Variants in SMAP2 observed in about 807,000 individuals in gnomAD.
SMAP2 encodes the protein stromal membrane-associated protein 2.
A neutral mutation model predicts 56.4 loss-of-function variants in SMAP2; 25 were observed. The ratio of observed to expected loss-of-function variants is 0.44; its 90% CI spans 0.32 to 0.62. The LOEUF (loss-of-function observed/expected upper bound fraction) is 0.62, where lower values mean the gene tolerates loss of function less well. Ranked by LOEUF, SMAP2 falls within the 20% of genes least tolerant of loss-of-function variation. SMAP2 has a pLI of 0.04. For missense variants in SMAP2, 388 were observed against 545.6 expected, an observed-to-expected ratio of 0.71 and a Z score of 2.88; for synonymous variants, 157 against 181.7, an observed-to-expected ratio of 0.86 and a Z score of 1.09.
At chr1:40,376,634 T>C (rs1644543736) in intron 1 of SMAP2, among the ~76,000 whole-genome samples, 2 of 152,210 alleles carry the variant, frequency 1.3e-5, no homozygotes, top group South Asian at 2.1e-4. Context: ...AACTATCAGA[T>C]TGTTGAAGGA....
At chr1:40,351,254 CTG>C (rs1644407870) in intron 1 of SMAP2, among the ~76,000 whole-genome samples, 1 of 152,130 alleles carries the variant, frequency 6.6e-6, no homozygotes, top group South Asian at 2.1e-4. Flanking sequence ...AGGAGGGACT[CTG>C]TGGCCTGACA....
chr1:40,418,265 A>G (rs1236166826), intron 9 of SMAP2, among the ~76,000 whole-genome samples: 1 of 152,250 alleles, frequency 6.6e-6, no homozygotes, highest in Non-Finnish European at 1.5e-5. Flanking sequence ...AGACTCAATT[A>G]CAAGTTAGCT....
intron 1 of SMAP2, among the ~76,000 whole-genome samples, chr1:40,359,308 G>C (rs1212003976): frequency 2.0e-5 from 3 of 152,124 alleles, no homozygotes; most frequent in Non-Finnish European, 4.4e-5. Flanking sequence ...TCCCCATGTT[G>C]TCCAGGCTGG....
intron 1 of SMAP2, among the ~76,000 whole-genome samples, chr1:40,404,288 A>G (rs1479088474): frequency 1.3e-5 from 2 of 152,222 alleles, no homozygotes; most frequent in Non-Finnish European, 2.9e-5. Flanking sequence ...AACTATCACT[A>G]TATTCACTGG....
In SMAP2 at chr1:40,374,023, C is replaced by G. The variant is rs934085724; in HGVS notation, c.-98C>G. 1.1e-6 allele frequency: 1 copy of G among 921,990 alleles called. No individual in the cohort carries two copies. Among genetic ancestry groups the G allele is most frequent in the Non-Finnish European group, 1.7e-6 (1 of 585,540 alleles). The allele number at this position is 921,990 out of a possible 1,614,324, so 57.1% of individuals were successfully genotyped here. A position where few individuals can be genotyped will look rare whatever the true frequency, so the allele number is the denominator to read the frequency against. On this transcript the variant is annotated 5_prime_UTR_variant, in exon 1 of 10. Transcript: ENST00000372718. This position sits in a 1 kb window ranked among gnomAD's most constrained non-coding sequence, Gnocchi z 5.9. ...GGCTCTCCCCGCTCAGGAGGTGCCCCTGGGCGGGGGACCGGGAGTCCTCAA... is the reference window on the plus strand; with the variant it reads ...GGCTCTCCCCGCTCAGGAGGTGCCCGTGGGCGGGGGACCGGGAGTCCTCAA...
chr1:40,350,221 G>C lies in SMAP2; in HGVS notation c.-83+5311G>C, dbSNP rs975320032. 6.6e-5 allele frequency among the ~76,000 whole-genome samples: 10 copies of C among 152,302 alleles called. 1 individual carries two copies. Among genetic ancestry groups the C allele is most frequent in the South Asian group, 6.2e-4 (3 of 4,818 alleles). ...GTGAGCCAACAGAGAGGCAGTCACTGGTTTCCTGAGTCATGGCCTTCAGGA... is the reference window on the plus strand; with the variant it reads ...GTGAGCCAACAGAGAGGCAGTCACTCGTTTCCTGAGTCATGGCCTTCAGGA... On this transcript the variant is annotated intron_variant, in intron 1 of 6. Coordinates refer to the SMAP2 transcript ENST00000435168.
chr1:40,417,170 C>A, intron 9 of SMAP2, 74 bp downstream of exon 9: 1 of 1,065,292 alleles, frequency 9.4e-7, no homozygotes, highest in Non-Finnish European at 1.4e-6. Context: ...TACCTCTCCA[C>A]TATCCTTTGA....
intron 1 of SMAP2, among the ~76,000 whole-genome samples, chr1:40,391,690 A>C (rs1036817210): frequency 8.5e-5 from 13 of 152,200 alleles, no homozygotes; most frequent in African/African-American, 3.1e-4. Flanking sequence ...GAGCAATCTC[A>C]TTGGACAATG....
At chr1:40,397,754 TAGA>T (rs1644786668) in intron 1 of SMAP2, among the ~76,000 whole-genome samples, 1 of 152,150 alleles carries the variant, frequency 6.6e-6, no homozygotes, top group Admixed American at 6.5e-5. Context: ...TATTAAGTAT[TAGA>T]AGAACAAAGC....
At chr1:40,354,001 C>A (rs1644421718) in intron 1 of SMAP2, among the ~76,000 whole-genome samples, 3 of 152,014 alleles carry the variant, frequency 2.0e-5, no homozygotes, top group Admixed American at 1.3e-4. Flanking sequence ...TTGAGGATGG[C>A]AAAGCAGAAT....
chr1:40,374,624 T>TGTGTGTGTGTGA lies in SMAP2; in HGVS notation c.103+402_103+403insTGTGTGTGTGAG. On this transcript the variant is annotated intron_variant, in intron 1 of 9. Coordinates refer to ENST00000372718, the MANE Select transcript of SMAP2 (RefSeq NM_022733.3). This position sits in a 1 kb window ranked among gnomAD's most constrained non-coding sequence, Gnocchi z 5.9. Reference sequence around the variant, plus strand: ...GTGTGTGTGTGTGTGTGTGTGTGTGTGAGAGAGAGAGAGAGAGAATGACGA... The same window carrying TGTGTGTGTGTGA: ...GTGTGTGTGTGTGTGTGTGTGTGTGTGTGTGTGTGTGAGAGAGAGAGAGAGAGAGAATGACGA... The TGTGTGTGTGTGA allele has an allele frequency of 1.2e-6, 1 of 830,774 alleles. No homozygotes were observed. Among genetic ancestry groups the TGTGTGTGTGTGA allele is most frequent in the Non-Finnish European group, 1.9e-6 (1 of 528,976 alleles). The allele number at this position is 830,774 out of a possible 1,614,324, so 51.5% of individuals were successfully genotyped here.
At chr1:40,404,309 C>T (rs1644864649) in intron 1 of SMAP2, among the ~76,000 whole-genome samples, 1 of 152,088 alleles carries the variant, frequency 6.6e-6, no homozygotes, top group Admixed American at 6.5e-5. Context: ...GAAAAGGTTT[C>T]ACAAGGGATG....
intron 1 of SMAP2, among the ~76,000 whole-genome samples, chr1:40,388,368 ACACCAGT>A (rs1461380975): frequency 6.6e-6 from 1 of 152,080 alleles, no homozygotes; most frequent in African/African-American, 2.4e-5. Flanking sequence ...GATTGTAAAT[ACACCAGT>A]CGGCACTCTG....
intron 1 of SMAP2, among the ~76,000 whole-genome samples, chr1:40,404,181 T>G (rs1644863517): frequency 6.6e-6 from 1 of 152,234 alleles, no homozygotes; most frequent in Non-Finnish European, 1.5e-5. Flanking sequence ...TCTTTTATTT[T>G]TCTTTTCTCT....
In SMAP2 at chr1:40,409,850, T is replaced by C; in HGVS notation, c.402+15T>C. The C allele has an allele frequency of 6.4e-7, 1 of 1,552,960 alleles. No individual in the cohort carries two copies. The highest frequency in any genetic ancestry group is 1.1e-5 in the South Asian group (1 of 89,720). ...ATGCCTTTAGGGTTGGTTATACATC[T>C]TTCAAGTTTTGTCCACAATAAGTAA... On this transcript the variant is annotated intron_variant, in intron 4 of 9. Coordinates refer to ENST00000372718, the MANE Select transcript of SMAP2 (RefSeq NM_022733.3).
chr1:40,345,949 A>C (rs1313593832), intron 1 of SMAP2, among the ~76,000 whole-genome samples: 1 of 103,494 alleles, frequency 9.7e-6, no homozygotes, highest in African/African-American at 3.3e-5. Context: ...TAGTCTTCAG[A>C]CCTGGTATTT....
In SMAP2 at chr1:40,421,965, C is replaced by T. The variant is rs903384618; in HGVS notation, c.1165-11C>T. The T allele has an allele frequency of 1.2e-6, 2 of 1,614,078 alleles. No homozygotes were observed. The highest frequency in any genetic ancestry group is 1.7e-6 in the Non-Finnish European group (2 of 1,179,982). ...ACAGCCTGGTCTGAAAGTCTCCTCT[C>T]TCCCTTTCAGATGACCCAGCAGATG... is the stretch of plus-strand genomic sequence containing the variant. On this transcript the variant is annotated splice_polypyrimidine_tract_variant and intron_variant, in intron 9 of 9. Transcript: ENST00000372718.
intron 1 of SMAP2, among the ~76,000 whole-genome samples, chr1:40,399,093 C>G (rs1368141930): frequency 6.6e-6 from 1 of 152,102 alleles, no homozygotes; most frequent in South Asian, 2.1e-4. Context: ...AGTTCAAGAC[C>G]AGCCTGAGCA....
At chr1:40,403,276 C>T (rs2982509) in intron 1 of SMAP2, among the ~76,000 whole-genome samples, 15,275 of 152,206 alleles carry the variant, frequency 0.1, 840 homozygotes, top group Non-Finnish European at 0.11. Flanking sequence ...GAGGCCAAGG[C>T]GGGTACATCA....
Sources: allele counts gnomAD v4.1 joint callset (sites outside exome capture counted in the v4.1 genomes callset), GRCh38; gene constraint gnomAD v4.1.1; non-coding constraint Gnocchi (gnomAD v3.1); transcripts MANE v1.5; gene names NCBI Gene and HGNC (gene_info 2026-07-23, HGNC 2026-07-21).